Variants in KCNQ1 observed in about 807,000 individuals in gnomAD.
KCNQ1 encodes the protein potassium voltage-gated channel subfamily Q member 1, also known as potassium voltage-gated channel subfamily KQT member 1.
KCNQ1 carries 49 observed loss-of-function variants against 72.4 expected under a neutral mutation model. The ratio of observed to expected loss-of-function variants is 0.68; its 90% CI spans 0.54 to 0.86. The LOEUF (loss-of-function observed/expected upper bound fraction) is 0.86. Among genes scored for constraint, KCNQ1 ranks in the 40% least tolerant of loss-of-function variants. The pLI is 0.00. For missense variants in KCNQ1, 790 were observed against 945.1 expected, an observed-to-expected ratio of 0.84 and a Z score of 2.15; for synonymous variants, 450 against 412.6, an observed-to-expected ratio of 1.09 and a Z score of -1.10.
At chr11:2,533,449 C>T (rs1396410032) in intron 2 of KCNQ1, among the ~76,000 whole-genome samples, 3 of 152,238 alleles carry the variant, frequency 2.0e-5, no homozygotes, top group Non-Finnish European at 4.4e-5. Flanking sequence ...GGGCCCCAAC[C>T]TGGCTTCTGA....
In KCNQ1 at chr11:2,759,547, C is replaced by T. The variant is rs533910761; in HGVS notation, c.1515-9297C>T. Among the ~76,000 whole-genome samples the T allele has an allele frequency of 7.2e-5, 11 of 152,280 alleles. No homozygotes were observed. The highest frequency in any genetic ancestry group is 3.3e-4 in the Admixed American group (5 of 15,304). The stretch of plus-strand genomic sequence containing the variant: ...CGCACAGGTGTGGGACCTCACTGCG[C>T]GGGAGGGAGTTGCAAAGAGCGACAC... On this transcript the variant is annotated intron_variant, in intron 11 of 15. Coordinates refer to ENST00000155840, the MANE Select transcript of KCNQ1 (RefSeq NM_000218.3). This position sits in a 1 kb window ranked among gnomAD's most constrained non-coding sequence, Gnocchi z 4.4.
At position 2,720,733 on chromosome 11, in the gene KCNQ1, C is replaced by T. The variant is rs1424844398; in HGVS notation, c.1515-48111C>T. 6.6e-6 allele frequency among the ~76,000 whole-genome samples: 1 copy of T among 152,146 alleles called. No individual in the cohort carries two copies. Among genetic ancestry groups the T allele is most frequent in the African/African-American group, 2.4e-5 (1 of 41,432 alleles). ...GGGCGGCTCCCAGAACCTAGGAGTCCATGCTACCTGTGGGGTTCATAGTGT... is the reference window on the plus strand; with the variant it reads ...GGGCGGCTCCCAGAACCTAGGAGTCTATGCTACCTGTGGGGTTCATAGTGT... On this transcript the variant is annotated intron_variant, in intron 11 of 15. Transcript: ENST00000155840. This position sits in a 1 kb window ranked among gnomAD's most constrained non-coding sequence, Gnocchi z 5.1.
At chr11:2,609,765 A>T (rs750052366) in intron 10 of KCNQ1, 38 of 398,044 alleles carry the variant, frequency 9.5e-5, no homozygotes, top group African/African-American at 7.6e-4. Flanking sequence ...TTTTATCATT[A>T]TGAGATATTC....
intron 1 of KCNQ1, among the ~76,000 whole-genome samples, chr11:2,514,289 A>T (rs1000393907): frequency 6.6e-6 from 1 of 152,234 alleles, no homozygotes; most frequent in African/African-American, 2.4e-5. Flanking sequence ...GCATCTTGCC[A>T]GGTGCCTGTG....
rs547798423 is a variant in KCNQ1 at position 2,725,530 on chromosome 11, T to C, written c.1515-43314T>C. ...ATAGAACCTCTGCGTTTAGCTGTGG[T>C]TTAGGAAGTGCATTCACGTGAAGTC... On this transcript the variant is annotated intron_variant, in intron 11 of 15. Coordinates refer to ENST00000155840, the MANE Select transcript of KCNQ1 (RefSeq NM_000218.3). The surrounding 1 kb of genome is among the most constrained non-coding windows in gnomAD (Gnocchi z 7.2). Among the ~76,000 whole-genome samples the C allele has an allele frequency of 4.6e-5, 7 of 152,250 alleles. No individual in the cohort carries two copies. The highest frequency in any genetic ancestry group is 1.7e-4 in the African/African-American group (7 of 41,536).
chr11:2,533,115 G>A (rs1847669075), intron 2 of KCNQ1, among the ~76,000 whole-genome samples: 1 of 152,182 alleles, frequency 6.6e-6, no homozygotes, highest in Non-Finnish European at 1.5e-5. Flanking sequence ...TTTAAATGTT[G>A]GGGGAAAAAA....
At chr11:2,844,073 G>A (rs901585128) in intron 15 of KCNQ1, among the ~76,000 whole-genome samples, 3 of 152,190 alleles carry the variant, frequency 2.0e-5, no homozygotes, top group Non-Finnish European at 4.4e-5. Context: ...GTCTGGCCTC[G>A]GCCATGGGAG....
In KCNQ1 at chr11:2,564,732, C is replaced by T. The variant is rs951774666; in HGVS notation, c.478-5896C>T. 1.3e-5 allele frequency among the ~76,000 whole-genome samples: 2 copies of T among 152,242 alleles called. No individual in the cohort carries two copies. Among genetic ancestry groups the T allele is most frequent in the Non-Finnish European group, 1.5e-5 (1 of 68,048 alleles). ...GATGAAAGTCTGTCCCCATTAAACA[C>T]TCACTCCCTACTCCCCCTTCCCCAG... On this transcript the variant is annotated intron_variant, in intron 2 of 15. Transcript: ENST00000155840. This position sits in a 1 kb window ranked among gnomAD's most constrained non-coding sequence, Gnocchi z 4.5.
intron 15 of KCNQ1, among the ~76,000 whole-genome samples, chr11:2,833,611 G>C (rs111860021): frequency 1.1e-4 from 17 of 152,204 alleles, no homozygotes; most frequent in South Asian, 2.1e-4. Flanking sequence ...GGGTGGGCAG[G>C]CTTCCCCGCT....
intron 2 of KCNQ1, among the ~76,000 whole-genome samples, chr11:2,570,196 AAG>A (rs1848307259): frequency 6.6e-6 from 1 of 151,626 alleles, no homozygotes; most frequent in African/African-American, 2.4e-5. Context: ...CCTCTGACCC[AAG>A]CTGGGGTTCC....
chr11:2,485,290 CAG>C (rs1428257610), intron 1 of KCNQ1, among the ~76,000 whole-genome samples: 1 of 151,708 alleles, frequency 6.6e-6, no homozygotes, highest in African/African-American at 2.4e-5. Context: ...CTCCTGGAGT[CAG>C]AGGTGCACAA....
Position 2,473,209 on chromosome 11 carries a change from G to T in KCNQ1, c.386+27725G>T, listed in dbSNP as rs1005786076. Among the ~76,000 whole-genome samples, 1 of 152,158 alleles carries T rather than the reference G, an allele frequency of 6.6e-6. No homozygotes were observed. Among genetic ancestry groups the T allele is most frequent in the Non-Finnish European group, 1.5e-5 (1 of 68,026 alleles). Reference sequence around the variant, plus strand: ...GGGCCAAGGAGAGCAGGCAAGAGAAGGGGTGGGGCTGGCAGGGAGGGGGCT... The same window carrying T: ...GGGCCAAGGAGAGCAGGCAAGAGAATGGGTGGGGCTGGCAGGGAGGGGGCT... On this transcript the variant is annotated intron_variant, in intron 1 of 15. Coordinates refer to ENST00000155840, the MANE Select transcript of KCNQ1 (RefSeq NM_000218.3). This position sits in a 1 kb window ranked among gnomAD's most constrained non-coding sequence, Gnocchi z 6.0.
At chr11:2,574,901 T>C (rs1235127274) in intron 6 of KCNQ1, among the ~76,000 whole-genome samples, 2 of 152,166 alleles carry the variant, frequency 1.3e-5, no homozygotes, top group African/African-American at 4.8e-5. Flanking sequence ...TGAGCAGGTT[T>C]GGGCAGCAGG....
In KCNQ1 at chr11:2,647,265, G is replaced by A; in HGVS notation, c.1394-14696G>A. The A allele has an allele frequency of 2.5e-6, 1 of 398,228 alleles. No individual in the cohort carries two copies. The highest frequency in any genetic ancestry group is 4.4e-6 in the Non-Finnish European group (1 of 226,024). The allele number at this position is 398,228 out of a possible 1,614,324, so 24.7% of individuals were successfully genotyped here. A position where few individuals can be genotyped will look rare whatever the true frequency, so the allele number is the denominator to read the frequency against. On this transcript the variant is annotated intron_variant, in intron 10 of 15. Coordinates refer to ENST00000155840, the MANE Select transcript of KCNQ1 (RefSeq NM_000218.3). This position sits in a 1 kb window ranked among gnomAD's most constrained non-coding sequence, Gnocchi z 4.0. ...TTTTTGTCCTTCCTTCTGTTAATGT[G>A]ATGTATCACATTTATTGATTTGTAT...
intron 2 of KCNQ1, among the ~76,000 whole-genome samples, chr11:2,533,538 C>T (rs1227771575): frequency 6.6e-6 from 1 of 152,256 alleles, no homozygotes; most frequent in African/African-American, 2.4e-5. Context: ...GGAAGTGGCA[C>T]ACGTGTGCAT....
Position 2,488,819 on chromosome 11 carries a change from C to G in KCNQ1, c.387-39109C>G, listed in dbSNP as rs1232773376. Among the ~76,000 whole-genome samples, 1 of 152,120 alleles carries G rather than the reference C, an allele frequency of 6.6e-6. No individual in the cohort carries two copies. Among genetic ancestry groups the G allele is most frequent in the Non-Finnish European group, 1.5e-5 (1 of 68,012 alleles). On this transcript the variant is annotated intron_variant, in intron 1 of 15. Coordinates refer to ENST00000155840, the MANE Select transcript of KCNQ1 (RefSeq NM_000218.3). This position sits in a 1 kb window ranked among gnomAD's most constrained non-coding sequence, Gnocchi z 5.1. The stretch of plus-strand genomic sequence containing the variant: ...CAACTTTGATTTAATTGATTTTTCT[C>G]TATTGTTTTTCTATTCTCTATTTTG...
At chr11:2,832,148 G>A (rs986741956) in intron 15 of KCNQ1, among the ~76,000 whole-genome samples, 1 of 152,108 alleles carries the variant, frequency 6.6e-6, no homozygotes, top group East Asian at 1.9e-4. Context: ...ACACCAGCCC[G>A]GTCCCCACCC....
rs377372831 is a variant in KCNQ1 at position 2,570,538 on chromosome 11, C to T, written c.478-90C>T. ...CTCAGGGTGTCCTTCAGCGGAGGCTCCAGCATGGCTGGGTTCAAACAGGTT... is the reference window on the plus strand; with the variant it reads ...CTCAGGGTGTCCTTCAGCGGAGGCTTCAGCATGGCTGGGTTCAAACAGGTT... On this transcript the variant is annotated intron_variant, in intron 2 of 15. Transcript: ENST00000155840. The T allele has an allele frequency of 3.8e-6, 6 of 1,570,180 alleles. 1 individual carries two copies. Among genetic ancestry groups the T allele is most frequent in the Admixed American group, 1.7e-5 (1 of 58,274 alleles).
rs569409186 is a variant in KCNQ1 at position 2,724,717 on chromosome 11, C to T, written c.1515-44127C>T. The stretch of plus-strand genomic sequence containing the variant: ...GGCTCACAGAGGAGGACGTGGGGAC[C>T]TGCCCAAGGAGACACAGGCAACAGA... On this transcript the variant is annotated intron_variant, in intron 11 of 15. Coordinates refer to ENST00000155840, the MANE Select transcript of KCNQ1 (RefSeq NM_000218.3). The surrounding 1 kb of genome is among the most constrained non-coding windows in gnomAD (Gnocchi z 6.8). Among the ~76,000 whole-genome samples the T allele has an allele frequency of 2.6e-5, 4 of 152,326 alleles. No homozygotes were observed. Among genetic ancestry groups the T allele is most frequent in the Admixed American group, 1.3e-4 (2 of 15,302 alleles).
Sources: allele counts gnomAD v4.1 joint callset (sites outside exome capture counted in the v4.1 genomes callset), GRCh38; gene constraint gnomAD v4.1.1; non-coding constraint Gnocchi (gnomAD v3.1); transcripts MANE v1.5; gene names NCBI Gene and HGNC (gene_info 2026-07-23, HGNC 2026-07-21).